The following STK32A variants were observed in gnomAD, a reference collection of about 807,000 sequenced individuals.
STK32A encodes the protein serine/threonine-protein kinase 32A.
In STK32A, 41 loss-of-function variants were observed where a neutral mutation model predicts 53.2. That is an observed-to-expected ratio of 0.77 (90% CI 0.60 to 1.00). The LOEUF is 1.00. Among genes scored for constraint, STK32A ranks in the 50% least tolerant of loss-of-function variants. The probability of loss-of-function intolerance (pLI) is 0.00; values close to 1 mark genes in which losing one functional copy is unlikely to be tolerated. For missense variants in STK32A, 458 were observed against 485.8 expected (o/e 0.94, Z 0.54); for synonymous variants, 166 against 162.8 (o/e 1.02, Z -0.15).
At chr5:147,362,936 A>G (rs1224325832) in intron 8 of STK32A, among the ~76,000 whole-genome samples, 1 of 151,356 alleles carries the variant, frequency 6.6e-6, no homozygotes, top group African/African-American at 2.4e-5. Flanking sequence ...TTTTTTTTTA[A>G]TTAGCCAGGC....
Position 147,261,403 on chromosome 5 carries a change from G to T in STK32A, c.53-16721G>T, listed in dbSNP as rs147627130. 6.3e-3 allele frequency among the ~76,000 whole-genome samples: 953 copies of T among 152,218 alleles called. 6 individuals carry two copies. Among genetic ancestry groups the T allele is most frequent in the Non-Finnish European group, 0.01 (713 of 68,018 alleles). On this transcript the variant is annotated intron_variant, in intron 2 of 12. Coordinates refer to ENST00000397936, the MANE Select transcript of STK32A (RefSeq NM_001112724.2). ...TTGCTGCTGTGTTGTCTCCCTGTTG[G>T]CTAGGGTTAGACCGCACAAACTAAA...
chr5:147,360,782 C>T (rs1207346533), intron 7 of STK32A, among the ~76,000 whole-genome samples: 1 of 152,182 alleles, frequency 6.6e-6, no homozygotes, highest in African/African-American at 2.4e-5. Context: ...GTGCTTCATT[C>T]TCCCTATTAC....
At chr5:147,242,046 T>C (rs556721968) in intron 2 of STK32A, among the ~76,000 whole-genome samples, 3 of 152,332 alleles carry the variant, frequency 2.0e-5, no homozygotes, top group Admixed American at 6.5e-5. Context: ...CCTTTTTAGT[T>C]ACTTTAAAGG....
At chr5:147,281,175 C>G (rs868523441) in intron 4 of STK32A, among the ~76,000 whole-genome samples, 1 of 152,164 alleles carries the variant, frequency 6.6e-6, no homozygotes, top group Admixed American at 6.5e-5. Context: ...GAGAAGGAAC[C>G]AGTAATATGA....
At chr5:147,283,768 T>C (rs1752183692) in intron 4 of STK32A, among the ~76,000 whole-genome samples, 1 of 151,850 alleles carries the variant, frequency 6.6e-6, no homozygotes, top group Non-Finnish European at 1.5e-5. Flanking sequence ...CCTGAACAGA[T>C]CAATAGCAAG....
intron 7 of STK32A, among the ~76,000 whole-genome samples, chr5:147,351,380 G>A (rs1410865635): frequency 6.6e-6 from 1 of 152,144 alleles, no homozygotes; most frequent in Admixed American, 6.5e-5. Context: ...TGTCAAGGAA[G>A]ACCGTTTGTA....
chr5:147,350,371 C>CT (rs150916485), intron 6 of STK32A, among the ~76,000 whole-genome samples: 3,613 of 147,312 alleles, frequency 0.025, 152 homozygotes, highest in East Asian at 0.2. Flanking sequence ...CTTTTCTTTT[C>CT]TTTTTTTTTT....
intron 8 of STK32A, among the ~76,000 whole-genome samples, chr5:147,361,825 C>A (rs966797259): frequency 7.2e-5 from 11 of 152,184 alleles, no homozygotes; most frequent in Non-Finnish European, 1.3e-4. Flanking sequence ...CATTAAATTA[C>A]ACAGTTAAAA....
Position 147,292,105 on chromosome 5 carries a change from AATG to A in STK32A, c.260+12712_260+12714del, listed in dbSNP as rs139464423. On this transcript the variant is annotated intron_variant, in intron 4 of 12. Transcript: ENST00000397936. ...TATATTGAGGTTTCTAGGCCTGTCA[AATG>A]ATGACATTCTTTACTTACTGCAAGG... Among the ~76,000 whole-genome samples the A allele has an allele frequency of 3.4e-4, 52 of 152,342 alleles. No homozygotes were observed. In the East Asian group the frequency reaches 9.8e-3, roughly 29 times the overall value.
At position 147,343,007 on chromosome 5, in the gene STK32A, G is replaced by T. The variant is rs747951788; in HGVS notation, c.436G>T (p.Asp146Tyr). 20 of 1,613,312 alleles carry T rather than the reference G, an allele frequency of 1.2e-5. No individual in the cohort carries two copies. The highest frequency in any genetic ancestry group is 1.5e-5 in the Non-Finnish European group (18 of 1,179,722). Residue 146 changes from aspartate (D) to tyrosine (Y), a missense_variant and splice_region_variant, in exon 6 of 13, where the codon GAT (aspartate) becomes TAT (tyrosine). Physicochemically the swap from Asp to Tyr is radical, Grantham distance 160. Coordinates refer to ENST00000397936, the MANE Select transcript of STK32A (RefSeq NM_001112724.2). ...YLQNQRIIHR[D>Y]MKPDNILLDE... ...TCTTTTTTCTTTTTACTCCTCTAGG[G>T]ATATGAAGCCTGACAATATTTTACT...
chr5:147,279,912 C>T (rs977949201), intron 4 of STK32A, among the ~76,000 whole-genome samples: 7 of 152,092 alleles, frequency 4.6e-5, no homozygotes, highest in African/African-American at 1.7e-4. Flanking sequence ...CCTGCAGGAC[C>T]CAGGCAACTC....
intron 6 of STK32A, among the ~76,000 whole-genome samples, chr5:147,347,513 G>C (rs898586597): frequency 6.6e-6 from 1 of 152,130 alleles, no homozygotes; most frequent in African/African-American, 2.4e-5. Flanking sequence ...GCCAGGGTTG[G>C]GAGGTGATAT....
downstream of STK32A, chr5:147,392,243 A>C (rs1032219554): frequency 1.3e-5 from 2 of 152,200 alleles, no homozygotes; most frequent in Admixed American, 1.3e-4. Flanking sequence ...GCACTACAAG[A>C]GCTTTAAAAT....
In STK32A at chr5:147,236,532, G is replaced by GA. The variant is rs113748421; in HGVS notation, c.-97+1343dup. On this transcript the variant is annotated intron_variant, in intron 1 of 12. Transcript: ENST00000397936. ...GAAAGGTAGATTTCTTTCTGAATATGAAAAAAAAAATCTAATTTGGTTATC... is the reference window on the plus strand; with the variant it reads ...GAAAGGTAGATTTCTTTCTGAATATGAAAAAAAAAAATCTAATTTGGTTATC... Among the ~76,000 whole-genome samples, 941 of 149,036 alleles carry GA rather than the reference G, an allele frequency of 6.3e-3. 8 individuals carry two copies. Among genetic ancestry groups the GA allele is most frequent in the African/African-American group, 0.019 (790 of 40,728 alleles).
intron 8 of STK32A, among the ~76,000 whole-genome samples, chr5:147,364,215 CAA>C (rs764357691): frequency 2.7e-4 from 18 of 66,874 alleles, no homozygotes; most frequent in African/African-American, 4.6e-4. Flanking sequence ...AACTCCATCT[CAA>C]AAAAAAAAAA....
intron 4 of STK32A, among the ~76,000 whole-genome samples, chr5:147,287,875 G>A (rs967824330): frequency 4.7e-5 from 7 of 150,462 alleles, no homozygotes; most frequent in Non-Finnish European, 1.0e-4. Flanking sequence ...TTTAAGACCA[G>A]GGACCCATGA....
At chr5:147,295,098 G>A (rs1419327525) in intron 4 of STK32A, among the ~76,000 whole-genome samples, 2 of 152,138 alleles carry the variant, frequency 1.3e-5, no homozygotes, top group Admixed American at 1.3e-4. Context: ...ATTTATAGAT[G>A]AAAACCATTT....
chr5:147,327,991 T>C (rs1312884998), intron 5 of STK32A, among the ~76,000 whole-genome samples: 1 of 152,128 alleles, frequency 6.6e-6, no homozygotes, highest in East Asian at 1.9e-4. Flanking sequence ...GAGAAGATAG[T>C]GTGGAGTCGC....
chr5:147,300,045 T>C (rs189189477), intron 4 of STK32A, among the ~76,000 whole-genome samples: 54 of 152,272 alleles, frequency 3.5e-4, no homozygotes, highest in Non-Finnish European at 2.5e-4. Context: ...CATATGTGAC[T>C]CAGAGTGCTA....
Sources: gnomAD v4.1 joint callset for allele counts (sites outside exome capture counted in the v4.1 genomes callset) on GRCh38, gnomAD v4.1.1 for gene constraint, MANE v1.5 for transcripts, NCBI Gene and HGNC (gene_info 2026-07-23, HGNC 2026-07-21) for gene names.